PARD3: variants seen among roughly 807,000 people sequenced by gnomAD.
PARD3 encodes partitioning defective 3 homolog.
Under a neutral mutation model 155.4 loss-of-function variants are expected in PARD3, and 75 were observed. The observed-to-expected ratio is 0.48, with a 90% confidence interval of 0.40 to 0.58. PARD3 has a LOEUF of 0.58. Ranked by LOEUF, PARD3 falls within the 20% of genes least tolerant of loss-of-function variation. PARD3 has a pLI of 0.00. For synonymous variants in PARD3, 576 were observed against 610.5 expected (o/e 0.94, Z 0.83); for missense variants, 1,642 against 1,721.7 (o/e 0.95, Z 0.82).
chr10:34,601,258 T>G (rs1402640228), intron 2 of PARD3, among the ~76,000 whole-genome samples: 1 of 140,176 alleles, frequency 7.1e-6, no homozygotes, highest in African/African-American at 2.8e-5. Context: ...AAGACTCTTA[T>G]CTCTACAAAG....
intron 12 of PARD3, 128 bp downstream of exon 12, chr10:34,372,370 T>A (rs1840771824): frequency 1.4e-6 from 1 of 721,358 alleles, no homozygotes; most frequent in African/African-American, 1.8e-5. Context: ...TGGCATTTAA[T>A]AAACCCATGT....
At chr10:34,240,964 G>A (rs574606285) in intron 22 of PARD3, among the ~76,000 whole-genome samples, 121 of 152,276 alleles carry the variant, frequency 7.9e-4, no homozygotes, top group Non-Finnish European at 1.2e-3. Context: ...AGCAGCCACC[G>A]TCTGCCAGCC....
At chr10:34,138,558 T>G (rs1052404672) in intron 22 of PARD3, among the ~76,000 whole-genome samples, 1 of 152,180 alleles carries the variant, frequency 6.6e-6, no homozygotes, top group African/African-American at 2.4e-5. Flanking sequence ...CTGGCAGAGA[T>G]TGATGACCTG....
intron 2 of PARD3, among the ~76,000 whole-genome samples, chr10:34,546,893 AAC>A (rs2084120538): frequency 6.6e-6 from 1 of 152,238 alleles, no homozygotes; most frequent in African/African-American, 2.4e-5. Flanking sequence ...AGCCAGATAA[AAC>A]ACAGTTATTA....
intron 22 of PARD3, among the ~76,000 whole-genome samples, chr10:34,208,644 G>A (rs920610942): frequency 1.3e-5 from 2 of 152,168 alleles, no homozygotes; most frequent in African/African-American, 4.8e-5. Context: ...TGTGTTAAGC[G>A]TGACCCAACG....
chr10:34,739,158 G>C (rs1470000516), intron 1 of PARD3, among the ~76,000 whole-genome samples: 2 of 152,080 alleles, frequency 1.3e-5, no homozygotes, highest in African/African-American at 4.8e-5. Context: ...CTCTGGACTG[G>C]ATCCTGGCAT....
At chr10:34,371,869 C>T (rs1220574593) in intron 12 of PARD3, among the ~76,000 whole-genome samples, 1 of 152,034 alleles carries the variant, frequency 6.6e-6, no homozygotes, top group Non-Finnish European at 1.5e-5. Context: ...ACTGATAGAG[C>T]AATCCTTCCT....
intron 14 of PARD3, among the ~76,000 whole-genome samples, chr10:34,351,795 C>T (rs746538763): frequency 1.1e-4 from 17 of 152,384 alleles, no homozygotes; most frequent in South Asian, 1.0e-3. Flanking sequence ...GATCCACTCA[C>T]TTGTGTAAGA....
At chr10:34,364,434 C>CCTTT (rs763018138) in intron 12 of PARD3, among the ~76,000 whole-genome samples, 1 of 127,754 alleles carries the variant, frequency 7.8e-6, no homozygotes, top group Non-Finnish European at 1.8e-5. Flanking sequence ...ACAGAATTAT[C>CCTTT]TTTTTTTTTT....
At chr10:34,468,713 CT>C (rs1473805378) in intron 4 of PARD3, among the ~76,000 whole-genome samples, 1 of 152,210 alleles carries the variant, frequency 6.6e-6, no homozygotes, top group East Asian at 1.9e-4. Context: ...TAAATATACT[CT>C]TTTTTTCAAC....
intron 22 of PARD3, among the ~76,000 whole-genome samples, chr10:34,142,643 G>A (rs998975064): frequency 6.6e-6 from 1 of 150,734 alleles, no homozygotes; most frequent in East Asian, 2.1e-4. Context: ...AAGGACGAAG[G>A]AAGGAAGGAA....
chr10:34,295,136 T>C (rs546050264), intron 20 of PARD3, among the ~76,000 whole-genome samples: 2 of 152,302 alleles, frequency 1.3e-5, no homozygotes, highest in Admixed American at 1.3e-4. Context: ...TCACTCTTTG[T>C]GCTGTGGTTT....
At chr10:34,496,842 A>G (rs1024153922) in intron 3 of PARD3, among the ~76,000 whole-genome samples, 3 of 152,242 alleles carry the variant, frequency 2.0e-5, no homozygotes, top group African/African-American at 4.8e-5. Flanking sequence ...ACACTATTAC[A>G]TATAGCTTAA....
chr10:34,458,199 AATTTTTTATTT>A (rs1302866013), intron 4 of PARD3, among the ~76,000 whole-genome samples: 1 of 151,938 alleles, frequency 6.6e-6, no homozygotes, highest in Non-Finnish European at 1.5e-5. Context: ...ATTTTGTTTT[AATTTTTTATTT>A]ATTTTTTGGG....
chr10:34,303,182 T>G (rs1016428836), intron 20 of PARD3, among the ~76,000 whole-genome samples: 1 of 123,736 alleles, frequency 8.1e-6, no homozygotes, highest in Non-Finnish European at 1.7e-5. Flanking sequence ...TTTTTTTTTT[T>G]GTGCAAGGCA....
intron 2 of PARD3, among the ~76,000 whole-genome samples, chr10:34,524,277 T>C (rs17568199): frequency 0.013 from 2,028 of 152,286 alleles, 18 homozygotes; most frequent in Middle Eastern, 0.034. Flanking sequence ...TATCTGTCAA[T>C]TGCCAAAGGG....
intron 12 of PARD3, among the ~76,000 whole-genome samples, chr10:34,364,179 A>G (rs139380916): frequency 6.6e-6 from 1 of 152,356 alleles, no homozygotes; most frequent in East Asian, 1.9e-4. Flanking sequence ...AAGCAGCAGA[A>G]AAACAATCAT....
At chr10:34,625,466 G>T (rs1432416944) in intron 2 of PARD3, among the ~76,000 whole-genome samples, 1 of 152,224 alleles carries the variant, frequency 6.6e-6, no homozygotes, top group Non-Finnish European at 1.5e-5. Context: ...TGGGCTTGGG[G>T]ACTCCACACA....
At chr10:34,559,745 A>G (rs569204091) in intron 2 of PARD3, among the ~76,000 whole-genome samples, 2 of 151,544 alleles carry the variant, frequency 1.3e-5, no homozygotes, top group South Asian at 4.3e-4. Flanking sequence ...AGTGATGAAA[A>G]GGATGACTCC....
Sources: gnomAD v4.1 joint callset for allele counts (sites outside exome capture counted in the v4.1 genomes callset) on GRCh38, gnomAD v4.1.1 for gene constraint, MANE v1.5 for transcripts, NCBI Gene and HGNC (gene_info 2026-07-23, HGNC 2026-07-21) for gene names.